Variants in CAPN7 observed in about 807,000 individuals in gnomAD.
The protein encoded by CAPN7 is calpain-7.
CAPN7 carries 72 observed loss-of-function variants against 115.2 expected under a neutral mutation model. The observed-to-expected ratio is 0.63, with a 90% CI of 0.52 to 0.76. CAPN7 has a LOEUF of 0.76. Among genes scored for constraint, CAPN7 ranks in the 30% least tolerant of loss-of-function variants. The pLI is 0.00. For missense variants in CAPN7, 905 were observed against 971.5 expected (o/e 0.93, Z 0.91); for synonymous variants, 344 against 322.3 (o/e 1.07, Z -0.72).
intron 7 of CAPN7, among the ~76,000 whole-genome samples, chr3:15,228,534 A>G (rs1281216351): frequency 6.6e-6 from 1 of 152,244 alleles, no homozygotes; most frequent in Non-Finnish European, 1.5e-5. Flanking sequence ...CTATGCAGCC[A>G]TAAGAGAACG....
At chr3:15,228,906 T>C in intron 7 of CAPN7, 68 bp from the exon 8 acceptor site, 2 of 1,162,776 alleles carry the variant, frequency 1.7e-6, no homozygotes. Context: ...TGGGGCAATG[T>C]ACGTATATTG....
intron 5 of CAPN7, among the ~76,000 whole-genome samples, chr3:15,221,346 ATTT>A (rs772108590): frequency 0.012 from 1,294 of 104,284 alleles, 32 homozygotes; most frequent in African/African-American, 0.044. Context: ...CATCTGACTA[ATTT>A]TTTTTTTTTT....
Position 15,212,218 on chromosome 3 carries a change from T to A in CAPN7, c.211+6T>A, listed in dbSNP as rs755258990. Reference sequence around the variant, plus strand: ...TCAAGCTCTACATTCAGCAGGTTAGTAAAGGACTACTAAACTTGTCACTCT... The same window carrying A: ...TCAAGCTCTACATTCAGCAGGTTAGAAAAGGACTACTAAACTTGTCACTCT... On this transcript the variant is annotated splice_donor_region_variant and intron_variant, in intron 2 of 20. Transcript: ENST00000253693. 1 of 1,493,610 alleles carries A rather than the reference T, an allele frequency of 6.7e-7. No individual in the cohort carries two copies. Among genetic ancestry groups the A allele is most frequent in the East Asian group, 2.3e-5 (1 of 43,502 alleles). 92.5% of individuals were successfully genotyped at this position (1,493,610 alleles called of 1,614,324 possible).
Position 15,223,546 on chromosome 3 carries a change from A to G in CAPN7, c.710A>G (p.Tyr237Cys). The part of the protein sequence containing the change: ...MNVDLRERFA[Y>C]PMPFCDRWGK... ...GTTGACCTGAGAGAACGTTTTGCCT[A>G]TCCAATGCCTTTCTGGTAAGTAAGC... is the stretch of plus-strand genomic sequence containing the variant. The change falls in exon 6 of 21, where the codon TAT becomes TGT. Residue 237 changes from tyrosine (Y) to cysteine (C), a missense_variant. This residue lies in a region of CAPN7 where 620 missense variants were observed against 703.4 expected (regional missense o/e 0.88). Transcript: ENST00000253693. 6.3e-7 allele frequency: 1 copy of G among 1,599,642 alleles called. No homozygotes were observed. The highest frequency in any genetic ancestry group is 1.1e-5 in the South Asian group (1 of 89,192).
Position 15,251,218 on chromosome 3 carries a change from C to CT in CAPN7, c.2403dup (p.Asn802Ter). 1 of 1,610,414 alleles carries CT rather than the reference C, an allele frequency of 6.2e-7. No individual in the cohort carries two copies. Among genetic ancestry groups the CT allele is most frequent in the Non-Finnish European group, 8.5e-7 (1 of 1,178,588 alleles). On this transcript the variant is annotated frameshift_variant, in exon 21 of 21. Transcript: ENST00000253693. LOFTEE classifies it high-confidence loss of function. ...AACAAGAAGGACCTTTTTTCTTGGA[C>CT]TTTAATAGTATTATCCCCATCAAGA...
chr3:15,238,346 C>T lies in CAPN7; in HGVS notation c.1408-2127C>T, dbSNP rs187706646. On this transcript the variant is annotated intron_variant, in intron 12 of 20. Coordinates refer to ENST00000253693, the MANE Select transcript of CAPN7 (RefSeq NM_014296.3). ...AGCCAGGATGGTCTCGATCTCCTGA[C>T]CTCATGATCCACCCACCTTGGCCTC... Among the ~76,000 whole-genome samples, 668 of 152,024 alleles carry T rather than the reference C, an allele frequency of 4.4e-3. 11 individuals are homozygous for T. The highest frequency in any genetic ancestry group is 0.015 in the African/African-American group (632 of 41,470).
intron 18 of CAPN7, 56 bp from the exon 19 acceptor site, chr3:15,247,271 T>C (rs1356086999): frequency 3.8e-5 from 49 of 1,290,788 alleles, no homozygotes; most frequent in Non-Finnish European, 4.8e-5. Flanking sequence ...GAGTTTTGTC[T>C]TTAAGTGGAA....
chr3:15,227,328 A>C (rs1243444997), intron 6 of CAPN7, among the ~76,000 whole-genome samples: 1 of 152,138 alleles, frequency 6.6e-6, no homozygotes, highest in Non-Finnish European at 1.5e-5. Context: ...CTATTTCCAA[A>C]AATAATTCCT....
At chr3:15,233,431 C>A (rs1271146687) in intron 10 of CAPN7, among the ~76,000 whole-genome samples, 1 of 152,154 alleles carries the variant, frequency 6.6e-6, no homozygotes, top group African/African-American at 2.4e-5. Context: ...CCTATACTTT[C>A]AATTGCTCTA....
intron 10 of CAPN7, among the ~76,000 whole-genome samples, chr3:15,233,611 CTT>C (rs986429950): frequency 2.6e-5 from 4 of 152,140 alleles, no homozygotes; most frequent in Non-Finnish European, 5.9e-5. Flanking sequence ...TGTTACATGT[CTT>C]TTTATCATAT....
At chr3:15,226,363 C>T (rs113521787) in intron 6 of CAPN7, among the ~76,000 whole-genome samples, 22,330 of 152,168 alleles carry the variant, frequency 0.15, 1,838 homozygotes, top group East Asian at 0.32. Flanking sequence ...CATGAGCCAC[C>T]GCGCCTGGCT....
At chr3:15,223,320 A>T (rs1004256669) in intron 5 of CAPN7, among the ~76,000 whole-genome samples, 155 bp from the exon 6 acceptor site, 1 of 152,182 alleles carries the variant, frequency 6.6e-6, no homozygotes, top group African/African-American at 2.4e-5. Flanking sequence ...CAATTATTTT[A>T]TGAAAATATT....
intron 2 of CAPN7, among the ~76,000 whole-genome samples, chr3:15,212,476 A>C (rs1241126367): frequency 6.6e-6 from 1 of 152,192 alleles, no homozygotes; most frequent in Non-Finnish European, 1.5e-5. Flanking sequence ...TGTTCAAACA[A>C]TTTATCATTG....
rs116012191 is a variant in CAPN7, at chr3:15,229,903, C to T, written c.939-539C>T. On this transcript the variant is annotated intron_variant, in intron 8 of 20. Transcript: ENST00000253693. ...TATAATTTTTTCAACTTTTCCTGAG[C>T]GGTTTTTGTGTGTTAAGTCCTAAGA... Among the ~76,000 whole-genome samples, 818 of 152,118 alleles carry T rather than the reference C, an allele frequency of 5.4e-3. 9 individuals carry two copies. Among genetic ancestry groups the T allele is most frequent in the African/African-American group, 0.019 (785 of 41,504 alleles).
At position 15,220,835 on chromosome 3, in the gene CAPN7, A is replaced by G. The variant is rs548950638; in HGVS notation, c.492A>G (p.Thr164=). 65 of 1,614,200 alleles carry G rather than the reference A, an allele frequency of 4.0e-5. No homozygotes were observed. The highest frequency in any genetic ancestry group is 4.9e-5 in the Non-Finnish European group (58 of 1,180,032). ...LTKPVGKISS[T]SVKPKPPPVR... The stretch of plus-strand genomic sequence containing the variant: ...AGCCAGTTGGCAAAATCAGTTCAAC[A>G]AGTGTTAAGCCAAAGCCACCTCCAG... The change falls in exon 5 of 21, where the codon ACA becomes ACG. Residue 164 remains threonine (T), a synonymous_variant. Coordinates refer to ENST00000253693, the MANE Select transcript of CAPN7 (RefSeq NM_014296.3).
intron 2 of CAPN7, among the ~76,000 whole-genome samples, chr3:15,215,571 A>G (rs1346939150): frequency 3.9e-5 from 6 of 152,178 alleles, no homozygotes; most frequent in African/African-American, 1.4e-4. Context: ...ATTTCATACA[A>G]ATGGAATCAT....
rs1696001647 is a variant in CAPN7 at position 15,251,455 on chromosome 3, A to C, written c.*195A>C. On this transcript the variant is annotated 3_prime_UTR_variant, in exon 21 of 21. Transcript: ENST00000253693. ...AGTCAGAATTACCTAAATCACCTAG[A>C]GGTACCGTTTACATGGTTTTGTGTA... 8.6e-6 allele frequency: 4 copies of C among 466,006 alleles called. No homozygotes were observed. The highest frequency in any genetic ancestry group is 1.5e-5 in the Non-Finnish European group (4 of 266,466). The allele number at this position is 466,006 out of a possible 1,614,324, so 28.9% of individuals were successfully genotyped here. A position where few individuals can be genotyped will look rare whatever the true frequency, so the allele number is the denominator to read the frequency against.
intron 6 of CAPN7, among the ~76,000 whole-genome samples, chr3:15,227,000 C>G (rs185192175): frequency 1.3e-5 from 2 of 151,884 alleles, no homozygotes; most frequent in Admixed American, 1.3e-4. Flanking sequence ...TCTGTAATAC[C>G]AGCACTCTGG....
chr3:15,217,693 ATTATTTT>A, intron 3 of CAPN7, 111 bp downstream of exon 3: 1 of 814,100 alleles, frequency 1.2e-6, no homozygotes, highest in Non-Finnish European at 1.8e-6. Flanking sequence ...AATAAAAAAA[ATTATTTT>A]AAATGTAACA....
Sources: allele counts gnomAD v4.1 joint callset (sites outside exome capture counted in the v4.1 genomes callset), GRCh38; gene constraint gnomAD v4.1.1; regional missense constraint gnomAD v4.1.1; transcripts MANE v1.5; gene names NCBI Gene and HGNC (gene_info 2026-07-23, HGNC 2026-07-21).